Variants in ANK1 observed in about 807,000 individuals in gnomAD.
ANK1 encodes ankyrin 1.
In ANK1, 51 loss-of-function variants were observed where a neutral mutation model predicts 210.4. That is an observed-to-expected ratio of 0.24 (90% CI 0.19 to 0.31). The LOEUF (loss-of-function observed/expected upper bound fraction) is 0.31. Among genes scored for constraint, ANK1 ranks in the 10% least tolerant of loss-of-function variants. The pLI is 1.00. For missense variants in ANK1, 2,051 were observed against 2,504.4 expected (o/e 0.82, Z 3.86); for synonymous variants, 967 against 1,025.9 (o/e 0.94, Z 1.10).
intron 3 of ANK1, 44 bp from the exon 4 acceptor site, chr8:41,728,050 G>A (rs774825447): frequency 1.3e-6 from 2 of 1,589,670 alleles, no homozygotes; most frequent in African/African-American, 1.3e-5. Context: ...TTCCCACTGG[G>A]CCCGCTACGG....
At chr8:41,877,538 G>A (rs1328908892) in intron 1 of ANK1, among the ~76,000 whole-genome samples, 1 of 152,236 alleles carries the variant, frequency 6.6e-6, no homozygotes, top group Non-Finnish European at 1.5e-5. Flanking sequence ...TGTGTGCCAA[G>A]CACTCCTCCA....
At chr8:41,715,608 A>G in intron 14 of ANK1, 44 bp downstream of exon 14, 3 of 1,607,800 alleles carry the variant, frequency 1.9e-6, no homozygotes, top group Non-Finnish European at 2.5e-6. Context: ...GGCCTGGCTG[A>G]GTGAGCCTGT....
At chr8:41,871,200 G>C (rs750370015) in intron 1 of ANK1, among the ~76,000 whole-genome samples, 1 of 152,238 alleles carries the variant, frequency 6.6e-6, no homozygotes, top group African/African-American at 2.4e-5. Context: ...ACGCATTTAT[G>C]AGGCTGCATC....
At chr8:41,705,750 A>G (rs1216610003) in intron 18 of ANK1, among the ~76,000 whole-genome samples, 16 of 152,200 alleles carry the variant, frequency 1.1e-4, no homozygotes, top group Admixed American at 1.0e-3. Context: ...TTCCATTCAC[A>G]TAGCTCCTTG....
At chr8:41,810,612 T>A (rs948717386) in intron 1 of ANK1, among the ~76,000 whole-genome samples, 6 of 152,226 alleles carry the variant, frequency 3.9e-5, no homozygotes, top group Admixed American at 1.3e-4. Context: ...CATCTCTGAG[T>A]CATCCAGAGT....
chr8:41,734,846 T>C (rs1833046942), intron 2 of ANK1, among the ~76,000 whole-genome samples: 1 of 151,910 alleles, frequency 6.6e-6, no homozygotes, highest in African/African-American at 2.4e-5. Flanking sequence ...GAGGCTACAG[T>C]GAGCTGAGAT....
At chr8:41,839,275 C>T (rs765852816) in intron 1 of ANK1, among the ~76,000 whole-genome samples, 1 of 152,202 alleles carries the variant, frequency 6.6e-6, no homozygotes, top group Non-Finnish European at 1.5e-5. Flanking sequence ...GAGGACTCTG[C>T]ATGCATTAAC....
At chr8:41,701,663 C>T (rs765988358) in intron 21 of ANK1, 41 bp from the exon 22 acceptor site, 1 of 1,596,204 alleles carries the variant, frequency 6.3e-7, no homozygotes. Flanking sequence ...CAAACTAGAG[C>T]CGCACACATT....
chr8:41,675,193 TGATTCTCCTGCCTTAGCCTCTCCACTGG>T (rs1459998204), intron 37 of ANK1, among the ~76,000 whole-genome samples: 5 of 152,328 alleles, frequency 3.3e-5, no homozygotes, highest in Non-Finnish European at 5.9e-5. Context: ...TAGGTTCAAG[TGATTCTCCTGCCTTAGCCTCTCCACTGG>T]GAGTAGCTGG....
intron 30 of ANK1, 50 bp from the exon 31 acceptor site, chr8:41,692,926 C>T (rs1819683351): frequency 6.3e-7 from 1 of 1,581,856 alleles, no homozygotes; most frequent in Non-Finnish European, 8.7e-7. Flanking sequence ...CAGAGAGCAT[C>T]CTTTCCATCC....
chr8:41,788,558 T>G (rs1418675670), intron 1 of ANK1, among the ~76,000 whole-genome samples: 1 of 152,176 alleles, frequency 6.6e-6, no homozygotes, highest in Non-Finnish European at 1.5e-5. Context: ...CTCAGTTTCC[T>G]CATCTGTAAC....
At position 41,719,771 on chromosome 8, in the gene ANK1, C is replaced by T. The variant is rs147608206; in HGVS notation, c.997G>A (p.Asp333Asn). 1.8e-3 allele frequency: 2,841 copies of T among 1,614,154 alleles called. 3 individuals are homozygous for T. Among genetic ancestry groups the T allele is most frequent in the Non-Finnish European group, 2.2e-3 (2,538 of 1,180,032 alleles). Residue 333 changes from aspartate to asparagine, a missense_variant, in exon 10 of 43, where the codon GAC becomes AAC. Around this residue, in one of 6 missense-constraint regions of ANK1, gnomAD observed 1,413 missense variants for 1,707.4 expected, o/e 0.83. Coordinates refer to ENST00000289734, the MANE Select transcript of ANK1 (RefSeq NM_000037.4). ...LLLQYDAEID[D>N]ITLDHLTPLH... Reference sequence around the variant, plus strand: ...GGGGTCAGGTGGTCCAGGGTGATGTCGTCTATCTCTGCGTCGTATTGCAAC... The same window carrying T: ...GGGGTCAGGTGGTCCAGGGTGATGTTGTCTATCTCTGCGTCGTATTGCAAC...
At chr8:41,794,234 C>T (rs1848303686) in intron 1 of ANK1, among the ~76,000 whole-genome samples, 1 of 152,170 alleles carries the variant, frequency 6.6e-6, no homozygotes, top group Non-Finnish European at 1.5e-5. Context: ...ATCTTCTGCA[C>T]CTGTGCCCCT....
chr8:41,664,795 A>G, intron 39 of ANK1: 1 of 1,598,186 alleles, frequency 6.3e-7, no homozygotes, highest in Non-Finnish European at 8.5e-7. Flanking sequence ...GCCTCCTGCC[A>G]GGCGGTTACC....
chr8:41,721,898 TTTCAGCCCCATTCTA>T (rs1829376900), intron 9 of ANK1, among the ~76,000 whole-genome samples: 2 of 152,182 alleles, frequency 1.3e-5, no homozygotes, highest in Admixed American at 1.3e-4. Context: ...TAAGCATTCT[TTTCAGCCCCATTCTA>T]ATGATCTGGA....
At chr8:41,743,658 G>A (rs1229583018) in intron 2 of ANK1, among the ~76,000 whole-genome samples, 3 of 152,208 alleles carry the variant, frequency 2.0e-5, no homozygotes, top group Non-Finnish European at 4.4e-5. Context: ...GAGCAAACAA[G>A]TCAGTGAATA....
intron 1 of ANK1, among the ~76,000 whole-genome samples, chr8:41,875,858 G>A (rs1816468227): frequency 6.6e-6 from 1 of 152,162 alleles, no homozygotes; most frequent in South Asian, 2.1e-4. Flanking sequence ...CAGGGACTGG[G>A]AAGCAGCCGG....
In ANK1 at chr8:41,842,719, G is replaced by C. The variant is rs530547600; in HGVS notation, c.126+53636C>G. Among the ~76,000 whole-genome samples, 6 of 152,316 alleles carry C rather than the reference G, an allele frequency of 3.9e-5. No homozygotes were observed. The South Asian group carries it at 1.2e-3, about 32-fold the overall frequency. On this transcript the variant is annotated intron_variant, in intron 1 of 42. Coordinates refer to the ANK1 transcript ENST00000265709. Reference sequence around the variant, plus strand: ...ATTAAACACAGAAACAGTTAAGGCAGCTTTGTTTGGGACTGGGGCTGGGCA... The same window carrying C: ...ATTAAACACAGAAACAGTTAAGGCACCTTTGTTTGGGACTGGGGCTGGGCA...
At chr8:41,726,431 T>G (rs753550157) in intron 5 of ANK1, among the ~76,000 whole-genome samples, 6 of 152,254 alleles carry the variant, frequency 3.9e-5, no homozygotes, top group African/African-American at 9.6e-5. Flanking sequence ...ACTCTGTCAC[T>G]CAGGTTGGAG....
Sources: gnomAD v4.1 joint callset for allele counts (sites outside exome capture counted in the v4.1 genomes callset) on GRCh38, gnomAD v4.1.1 for gene constraint, gnomAD v4.1.1 regional missense constraint, MANE v1.5 for transcripts, NCBI Gene and HGNC (gene_info 2026-07-23, HGNC 2026-07-21) for gene names.